The following JAK1 variants were observed in gnomAD, a reference collection of about 807,000 sequenced individuals.
The protein encoded by JAK1 is Janus kinase 1, also known as tyrosine-protein kinase JAK1.
JAK1 carries 16 observed loss-of-function variants against 136.6 expected under a neutral mutation model. The observed-to-expected ratio is 0.12, with a 90% CI of 0.08 to 0.18. JAK1 has a LOEUF of 0.18. Among genes scored for constraint, JAK1 ranks in the 10% least tolerant of loss-of-function variants. JAK1 has a pLI of 1.00. For missense variants in JAK1, 859 were observed against 1,450.1 expected, an observed-to-expected ratio of 0.59 and a Z score of 6.62; for synonymous variants, 492 against 519.5, an observed-to-expected ratio of 0.95 and a Z score of 0.72.
intron 1 of JAK1, among the ~76,000 whole-genome samples, chr1:64,893,271 G>C (rs1290942992): frequency 1.3e-5 from 2 of 152,164 alleles, no homozygotes; most frequent in Non-Finnish European, 2.9e-5. Context: ...GGGTGCAAGA[G>C]GAACAGAGCT....
chr1:64,843,694 T>C (rs1316969900), intron 17 of JAK1, among the ~76,000 whole-genome samples: 1 of 151,668 alleles, frequency 6.6e-6, no homozygotes, highest in Non-Finnish European at 1.5e-5. Context: ...GCTTGATGCC[T>C]GATACACAAT....
At chr1:64,858,015 G>C (rs532884835) in intron 9 of JAK1, among the ~76,000 whole-genome samples, 1 of 152,294 alleles carries the variant, frequency 6.6e-6, no homozygotes, top group African/African-American at 2.4e-5. Flanking sequence ...TCCTGCCCAA[G>C]GCAATGAGCC....
intron 1 of JAK1, among the ~76,000 whole-genome samples, chr1:64,903,152 G>T (rs772760034): frequency 6.6e-6 from 1 of 152,056 alleles, no homozygotes; most frequent in East Asian, 1.9e-4. Flanking sequence ...TCAGCCTTCC[G>T]AGTAGCTGGG....
At chr1:65,041,282 C>A (rs891350437) in intron 2 of JAK1, among the ~76,000 whole-genome samples, 16 of 152,180 alleles carry the variant, frequency 1.1e-4, no homozygotes, top group Admixed American at 1.0e-3. Context: ...GGGTGATTTT[C>A]TCATTTCCCC....
At chr1:65,046,858 T>G (rs1647188096) in intron 1 of JAK1, among the ~76,000 whole-genome samples, 4 of 143,640 alleles carry the variant, frequency 2.8e-5, no homozygotes, top group Admixed American at 1.4e-4. Context: ...AGCCACCGCA[T>G]CCAGCCCCAA....
chr1:64,990,778 C>G (rs150635645), intron 2 of JAK1: 1 of 151,564 alleles, frequency 6.6e-6, no homozygotes, highest in Non-Finnish European at 1.5e-5. Flanking sequence ...AAAAATTAGC[C>G]GGCAGTGGTA....
intron 3 of JAK1, 102 bp downstream of exon 3, chr1:64,883,175 A>G (rs1402167297): frequency 1.0e-6 from 1 of 962,660 alleles, no homozygotes; most frequent in African/African-American, 1.7e-5. Flanking sequence ...CAGAGTCCAC[A>G]ACTCTTTCTG....
In JAK1 at chr1:64,907,472, A is replaced by G. The variant is rs138882432; in HGVS notation, c.-77-21131T>C. Among the ~76,000 whole-genome samples the G allele has an allele frequency of 6.6e-3, 1,005 of 152,296 alleles. 12 individuals are homozygous for G. The highest frequency in any genetic ancestry group is 0.023 in the African/African-American group (964 of 41,550). On this transcript the variant is annotated intron_variant, in intron 1 of 24. Transcript: ENST00000342505. ...TTTCACCTCCCTGAGCCCAGGTTCA[A>G]TAAGACATACAAATAAGATATGTTT...
chr1:64,915,734 T>C (rs1645383664), intron 1 of JAK1, among the ~76,000 whole-genome samples: 1 of 152,212 alleles, frequency 6.6e-6, no homozygotes, highest in South Asian at 2.1e-4. Flanking sequence ...ATGTGGCTAG[T>C]GACTATTTTA....
At chr1:65,040,935 A>T (rs1248013376) in intron 2 of JAK1, among the ~76,000 whole-genome samples, 1 of 152,058 alleles carries the variant, frequency 6.6e-6, no homozygotes, top group Non-Finnish European at 1.5e-5. Context: ...TTTATATAGG[A>T]CTTGGGGTCT....
chr1:64,879,900 T>C (rs1248611418), intron 3 of JAK1, among the ~76,000 whole-genome samples: 1 of 152,224 alleles, frequency 6.6e-6, no homozygotes, highest in Non-Finnish European at 1.5e-5. Flanking sequence ...CACTCACTTC[T>C]ACGCCCATGA....
At chr1:65,036,964 A>G (rs1373526436) in intron 2 of JAK1, among the ~76,000 whole-genome samples, 4 of 152,222 alleles carry the variant, frequency 2.6e-5, no homozygotes, top group African/African-American at 9.6e-5. Flanking sequence ...AGTCAGGTGG[A>G]TCACTTGAGA....
intron 1 of JAK1, among the ~76,000 whole-genome samples, chr1:65,055,029 CAT>C (rs1417344074): frequency 2.6e-5 from 4 of 152,288 alleles, no homozygotes; most frequent in Non-Finnish European, 5.9e-5. Flanking sequence ...GTAAAATACA[CAT>C]AAAATTTTCC....
intron 1 of JAK1, among the ~76,000 whole-genome samples, chr1:64,905,347 G>A (rs767677673): frequency 1.3e-5 from 2 of 152,164 alleles, no homozygotes; most frequent in Non-Finnish European, 2.9e-5. Flanking sequence ...AGCAGACAAC[G>A]TCAACTGTAT....
intron 1 of JAK1, among the ~76,000 whole-genome samples, chr1:65,057,518 T>C (rs1176688024): frequency 3.3e-5 from 5 of 152,126 alleles, no homozygotes; most frequent in African/African-American, 9.7e-5. Context: ...CTTGGCAACA[T>C]AGTGAACTCC....
intron 2 of JAK1, among the ~76,000 whole-genome samples, chr1:65,002,926 G>C (rs1015485614): frequency 6.6e-6 from 1 of 152,072 alleles, no homozygotes; most frequent in Non-Finnish European, 1.5e-5. Context: ...GCGGGGAAGC[G>C]ATGCTTTCTT....
At chr1:64,905,652 C>A (rs544344716) in intron 1 of JAK1, among the ~76,000 whole-genome samples, 2 of 152,130 alleles carry the variant, frequency 1.3e-5, no homozygotes, top group Non-Finnish European at 2.9e-5. Flanking sequence ...CAAATTTGCA[C>A]GCACCTCACC....
At chr1:64,880,164 C>T (rs1161745256) in intron 3 of JAK1, among the ~76,000 whole-genome samples, 2 of 152,204 alleles carry the variant, frequency 1.3e-5, no homozygotes, top group African/African-American at 4.8e-5. Flanking sequence ...AACGCAGACA[C>T]TGAGTTAAGA....
intron 2 of JAK1, chr1:64,985,026 T>C: frequency 1.2e-6 from 1 of 858,156 alleles, no homozygotes; most frequent in South Asian, 1.3e-5. Flanking sequence ...ATTACACTCA[T>C]CCTTCAATAA....
Sources: allele counts gnomAD v4.1 joint callset (sites outside exome capture counted in the v4.1 genomes callset), GRCh38; gene constraint gnomAD v4.1.1; transcripts MANE v1.5; gene names NCBI Gene and HGNC (gene_info 2026-07-23, HGNC 2026-07-21).